Variants in PCDH9 observed in about 807,000 individuals in gnomAD.
PCDH9 encodes protocadherin-9.
Under a neutral mutation model 70.6 loss-of-function variants are expected in PCDH9, and 24 were observed. The observed-to-expected ratio is 0.34, with a 90% confidence interval of 0.25 to 0.48. The LOEUF (loss-of-function observed/expected upper bound fraction) is 0.48. Among genes scored for constraint, PCDH9 ranks in the 20% least tolerant of loss-of-function variants. PCDH9 has a pLI of 0.99. For synonymous variants in PCDH9, 562 were observed against 558.5 expected, an observed-to-expected ratio of 1.01 and a Z score of -0.09; for missense variants, 1,281 against 1,503.6, an observed-to-expected ratio of 0.85 and a Z score of 2.45.
At chr13:66,785,353 T>G (rs766804928) in intron 3 of PCDH9, among the ~76,000 whole-genome samples, 16 of 152,048 alleles carry the variant, frequency 1.1e-4, no homozygotes, top group Non-Finnish European at 1.5e-4. Flanking sequence ...TATGAATACT[T>G]TCAAGTTGAT....
intron 4 of PCDH9, among the ~76,000 whole-genome samples, chr13:66,625,562 G>C (rs190425481): frequency 6.6e-6 from 1 of 151,026 alleles, no homozygotes; most frequent in Non-Finnish European, 1.5e-5. Context: ...AATTATTTTT[G>C]ATAATAACTT....
chr13:66,980,727 T>C (rs866811927), intron 2 of PCDH9, among the ~76,000 whole-genome samples: 4 of 87,302 alleles, frequency 4.6e-5, no homozygotes, highest in Middle Eastern at 0.011. Context: ...TGTTTTTTTC[T>C]TTGTTTTTTT....
At chr13:66,363,117 T>G (rs894640507) in intron 4 of PCDH9, among the ~76,000 whole-genome samples, 1 of 152,132 alleles carries the variant, frequency 6.6e-6, no homozygotes, top group Non-Finnish European at 1.5e-5. Flanking sequence ...AGGCAAAAGT[T>G]GCAGTGAGCT....
chr13:67,131,721 T>C (rs1023392817), intron 2 of PCDH9, among the ~76,000 whole-genome samples: 1 of 152,190 alleles, frequency 6.6e-6, no homozygotes, highest in African/African-American at 2.4e-5. Flanking sequence ...GTCTTTATCT[T>C]TTCATCTTAT....
intron 2 of PCDH9, chr13:67,204,295 G>C (rs2089287083): frequency 6.6e-6 from 1 of 152,060 alleles, no homozygotes. Flanking sequence ...AAATTATTAT[G>C]CCAGCTTTAG....
At chr13:67,087,828 G>A (rs2086139244) in intron 2 of PCDH9, among the ~76,000 whole-genome samples, 1 of 152,040 alleles carries the variant, frequency 6.6e-6, no homozygotes, top group Admixed American at 6.6e-5. Flanking sequence ...TGTAGCAACA[G>A]AACAAAAAGA....
At chr13:66,436,102 T>A (rs895847889) in intron 4 of PCDH9, among the ~76,000 whole-genome samples, 4 of 152,234 alleles carry the variant, frequency 2.6e-5, no homozygotes, top group Non-Finnish European at 4.4e-5. Flanking sequence ...TAGTATTTTT[T>A]AATTTAAATT....
At chr13:66,650,327 A>T (rs2077833060) in intron 3 of PCDH9, among the ~76,000 whole-genome samples, 1 of 152,016 alleles carries the variant, frequency 6.6e-6, no homozygotes, top group Non-Finnish European at 1.5e-5. Flanking sequence ...AGAACAGAGT[A>T]GCAGTATTTG....
chr13:67,032,100 T>C (rs1231564721), intron 2 of PCDH9, among the ~76,000 whole-genome samples: 7 of 152,242 alleles, frequency 4.6e-5, no homozygotes, highest in Non-Finnish European at 1.0e-4. Flanking sequence ...TCATAGATTA[T>C]AGATGTAAAC....
chr13:66,578,636 AGAAGCTATATT>A (rs374797798), intron 4 of PCDH9, among the ~76,000 whole-genome samples: 42 of 152,262 alleles, frequency 2.8e-4, no homozygotes, highest in African/African-American at 1.0e-3. Context: ...GTACAGCACT[AGAAGCTATATT>A]GAAGTCTCCA....
rs571080123 is a variant in PCDH9 at position 66,948,744 on chromosome 13, TATTA to T, written c.3037-45143_3037-45140del. On this transcript the variant is annotated intron_variant, in intron 2 of 4. Transcript: ENST00000377865. ...TGAACTCAGCAGTCTCATACTAGGA[TATTA>T]ATTGACTGTCTAAATGAAGACCAAG... is the stretch of plus-strand genomic sequence containing the variant. 1.6e-4 allele frequency among the ~76,000 whole-genome samples: 24 copies of T among 152,176 alleles called. No homozygotes were observed. The South Asian group carries it at 1.9e-3, about 12-fold the overall frequency.
chr13:66,927,722 T>C (rs77043865), intron 2 of PCDH9, among the ~76,000 whole-genome samples: 9,365 of 151,992 alleles, frequency 0.062, 918 homozygotes, highest in African/African-American at 0.21. Flanking sequence ...AGTGTCTGTG[T>C]ACTAATCTCT....
At chr13:66,344,541 A>C (rs1956183963) in intron 4 of PCDH9, among the ~76,000 whole-genome samples, 1 of 152,244 alleles carries the variant, frequency 6.6e-6, no homozygotes, top group African/African-American at 2.4e-5. Flanking sequence ...ATGAAAAAGT[A>C]TGAGTCTTAC....
intron 3 of PCDH9, among the ~76,000 whole-genome samples, chr13:66,662,548 C>G (rs1489318669): frequency 6.6e-6 from 1 of 151,960 alleles, no homozygotes; most frequent in Non-Finnish European, 1.5e-5. Flanking sequence ...AACAACTGAA[C>G]ATGAACAATT....
At chr13:66,875,066 A>AAAAAT (rs1478415152) in intron 3 of PCDH9, among the ~76,000 whole-genome samples, 1 of 152,130 alleles carries the variant, frequency 6.6e-6, no homozygotes, top group Non-Finnish European at 1.5e-5. Context: ...CATGAAATAA[A>AAAAAT]AAAATAACTT....
chr13:66,736,005 G>A (rs925718694), intron 3 of PCDH9, among the ~76,000 whole-genome samples: 6 of 151,762 alleles, frequency 4.0e-5, no homozygotes, highest in African/African-American at 9.7e-5. Flanking sequence ...TGATATATGT[G>A]AAAATATTCA....
At chr13:66,754,904 A>G (rs1594012519) in intron 3 of PCDH9, among the ~76,000 whole-genome samples, 1 of 152,326 alleles carries the variant, frequency 6.6e-6, no homozygotes, top group Non-Finnish European at 1.5e-5. Flanking sequence ...TATGCAATGA[A>G]TATAACTCTA....
intron 3 of PCDH9, among the ~76,000 whole-genome samples, chr13:66,808,731 T>C (rs1290152344): frequency 6.6e-6 from 1 of 152,202 alleles, no homozygotes; most frequent in African/African-American, 2.4e-5. Context: ...TTGTAGTTTA[T>C]TCATTAATAC....
chr13:66,822,242 C>T (rs537900358), intron 3 of PCDH9, among the ~76,000 whole-genome samples: 1 of 151,754 alleles, frequency 6.6e-6, no homozygotes, highest in East Asian at 1.9e-4. Flanking sequence ...TTTATTTGTT[C>T]TTGGCATGCA....
Sources: gnomAD v4.1 joint callset for allele counts (sites outside exome capture counted in the v4.1 genomes callset) on GRCh38, gnomAD v4.1.1 for gene constraint, MANE v1.5 for transcripts, NCBI Gene and HGNC (gene_info 2026-07-23, HGNC 2026-07-21) for gene names.